The following C4orf46 variants were observed in gnomAD, a reference collection of about 807,000 sequenced individuals.
C4orf46 encodes renal cancer differentiation gene 1 protein.
C4orf46 carries 8 observed loss-of-function variants against 9.1 expected under a neutral mutation model. That is an observed-to-expected ratio of 0.88 (90% CI 0.52 to 1.59). C4orf46 has a LOEUF of 1.59. C4orf46 is among the 40% of genes most tolerant of loss of function. The pLI, the probability that C4orf46 is intolerant of heterozygous loss-of-function variation, is 0.00. For missense variants in C4orf46, 151 were observed against 139.1 expected, an observed-to-expected ratio of 1.09 and a Z score of -0.43; for synonymous variants, 51 against 58.8, an observed-to-expected ratio of 0.87 and a Z score of 0.61.
chr4:158,669,793 T>A (rs754698500), intron 1 of C4orf46, 25 bp from the exon 2 acceptor site: 9 of 1,562,788 alleles, frequency 5.8e-6, no homozygotes, highest in Middle Eastern at 1.7e-4. Context: ...TCAAACATAA[T>A]TTTATTTTTA....
At chr4:158,671,987 G>A, upstream of C4orf46, 1 of 574,020 alleles carries the variant, frequency 1.7e-6, no homozygotes, top group Non-Finnish European at 3.1e-6. Context: ...AATCATATGA[G>A]TCAATTCACC....
chr4:158,668,027 C>T lies in C4orf46; in HGVS notation c.*1586G>A, dbSNP rs1486056702. 1.3e-5 allele frequency: 2 copies of T among 152,164 alleles called. No individual in the cohort carries two copies. The highest frequency in any genetic ancestry group is 1.5e-5 in the Non-Finnish European group (1 of 68,034). 9.4% of individuals were successfully genotyped at this position (152,164 alleles called of 1,614,324 possible). ...ATCAAACAGGTAACAAAGCAAACTTCAAATGTATCTAACATTTGCAATTAC... is the reference window on the plus strand; with the variant it reads ...ATCAAACAGGTAACAAAGCAAACTTTAAATGTATCTAACATTTGCAATTAC... On this transcript the variant is annotated 3_prime_UTR_variant, in exon 2 of 2. Coordinates refer to ENST00000379205, the MANE Select transcript of C4orf46 (RefSeq NM_001008393.4).
chr4:158,670,874 T>G (rs998988223), intron 1 of C4orf46, among the ~76,000 whole-genome samples: 2 of 151,990 alleles, frequency 1.3e-5, no homozygotes, highest in African/African-American at 4.8e-5. Context: ...AACATAAAAC[T>G]CCCCTTCCCT....
upstream of C4orf46, chr4:158,671,928 G>C: frequency 1.3e-6 from 1 of 741,514 alleles, no homozygotes; most frequent in South Asian, 2.0e-5. Flanking sequence ...CAGTCTCCTC[G>C]TGGGTCTCAG....
In C4orf46 at chr4:158,669,348, G is replaced by A. The variant is rs746874815; in HGVS notation, c.*265C>T. On this transcript the variant is annotated 3_prime_UTR_variant, in exon 2 of 2. Coordinates refer to ENST00000379205, the MANE Select transcript of C4orf46 (RefSeq NM_001008393.4). ...CACTGTGGCTCTATTAATATTAACCGTCTATTGATGAAGTTAACTTTCATA... is the reference window on the plus strand; with the variant it reads ...CACTGTGGCTCTATTAATATTAACCATCTATTGATGAAGTTAACTTTCATA... 7.9e-5 allele frequency: 23 copies of A among 291,984 alleles called. No individual in the cohort carries two copies. Among genetic ancestry groups the A allele is most frequent in the Non-Finnish European group, 1.3e-4 (20 of 157,086 alleles). 18.1% of individuals were successfully genotyped at this position (291,984 alleles called of 1,614,324 possible). A position where few individuals can be genotyped will look rare whatever the true frequency, so the allele number is the denominator to read the frequency against.
Position 158,667,736 on chromosome 4 carries a change from A to G in C4orf46, c.*1877T>C, listed in dbSNP as rs1217167255. Reference sequence around the variant, plus strand: ...AAAAAAGAGTAAAAGATATGGCCTCAGAAATCACACACTGCATTTGCTCAA... The same window carrying G: ...AAAAAAGAGTAAAAGATATGGCCTCGGAAATCACACACTGCATTTGCTCAA... On this transcript the variant is annotated 3_prime_UTR_variant, in exon 2 of 2. Coordinates refer to ENST00000379205, the MANE Select transcript of C4orf46 (RefSeq NM_001008393.4). 39 of 151,950 alleles carry G rather than the reference A, an allele frequency of 2.6e-4. No individual in the cohort carries two copies. Among genetic ancestry groups the G allele is most frequent in the Admixed American group, 2.6e-3 (39 of 15,238 alleles). The allele number at this position is 151,950 out of a possible 1,614,324, so 9.4% of individuals were successfully genotyped here.
chr4:158,669,734 G>A lies in C4orf46; in HGVS notation c.221C>T (p.Thr74Ile), dbSNP rs1773467574. The change falls in exon 2 of 2, where the codon ACA (threonine) becomes ATA (isoleucine). Residue 74 changes from threonine to isoleucine, a missense_variant. Transcript: ENST00000379205. ...TTCCACTTGAGCTGATACTGCAGAT[G>A]TGGCTTCAAGAAGTTTGGTTAATGA... is the stretch of plus-strand genomic sequence containing the variant. ...AFSLTKLLEA[T>I]SAVSAQVEEL... 6.2e-7 allele frequency: 1 copy of A among 1,610,716 alleles called. No homozygotes were observed. Among genetic ancestry groups the A allele is most frequent in the Non-Finnish European group, 8.5e-7 (1 of 1,178,714 alleles).
intron 1 of C4orf46, 124 bp downstream of exon 1, chr4:158,671,492 G>T: frequency 9.9e-7 from 1 of 1,009,140 alleles, no homozygotes; most frequent in Non-Finnish European, 1.4e-6. Flanking sequence ...GCTCTGGGGC[G>T]CAGAAGGGCC....
chr4:158,671,753 G>C lies in C4orf46; in HGVS notation c.49C>G (p.Pro17Ala), dbSNP rs867000557. Residue 17 changes from proline (P) to alanine (A), a missense_variant, in exon 1 of 2, where the codon CCC (proline) becomes GCC (alanine). Coordinates refer to ENST00000379205, the MANE Select transcript of C4orf46 (RefSeq NM_001008393.4). ...GCGTCTGAAGAGGAGGGAGAAGAGG[G>C]AGGCGGCGGGGGCGGCGAAGAAACC... Reference protein sequence around the residue: ...LQVSSPPPPPPSSPSSSDASA... With the variant: ...LQVSSPPPPPASSPSSSDASA... 2 of 1,573,562 alleles carry C rather than the reference G, an allele frequency of 1.3e-6. No homozygotes were observed. Among genetic ancestry groups the C allele is most frequent in the Middle Eastern group, 3.6e-4 (2 of 5,598 alleles).
At chr4:158,671,131 G>C (rs558092899) in intron 1 of C4orf46, among the ~76,000 whole-genome samples, 36 of 152,342 alleles carry the variant, frequency 2.4e-4, no homozygotes, top group African/African-American at 8.2e-4. Context: ...TGGCCAACTA[G>C]AACAGCAGGC....
chr4:158,667,228 T>C lies in C4orf46; in HGVS notation c.*2385A>G, dbSNP rs866511124. 1.2e-4 allele frequency: 19 copies of C among 152,148 alleles called. 1 individual carries two copies. Among genetic ancestry groups the C allele is most frequent in the African/African-American group, 4.6e-4 (19 of 41,432 alleles). The allele number at this position is 152,148 out of a possible 1,614,324, so 9.4% of individuals were successfully genotyped here. ...ATACTTGGAGGAACAGCTATAAATA[T>C]GTAAAAATAATTAAAACAAGATTCC... On this transcript the variant is annotated 3_prime_UTR_variant, in exon 2 of 2. Transcript: ENST00000379205.
At chr4:158,671,964 T>A (rs1773573909), upstream of C4orf46, 1 of 587,348 alleles carries the variant, frequency 1.7e-6, no homozygotes. Flanking sequence ...ACGTTTCATT[T>A]TTCGGGACAG....
intron 1 of C4orf46, 63 bp from the exon 2 acceptor site, chr4:158,669,831 C>T: frequency 7.4e-7 from 1 of 1,359,828 alleles, no homozygotes; most frequent in Non-Finnish European, 1.0e-6. Flanking sequence ...TATAAGCAGG[C>T]TGAAAATAGC....
rs1773448121 is a variant in C4orf46, at chr4:158,668,966, A to C, written c.*647T>G. ...CTATCATCAAAGTCCAAATCTCTGTAAAAAAAGAATGTTTTTCTTCAAGTC... is the reference window on the plus strand; with the variant it reads ...CTATCATCAAAGTCCAAATCTCTGTCAAAAAAGAATGTTTTTCTTCAAGTC... On this transcript the variant is annotated 3_prime_UTR_variant, in exon 2 of 2. Transcript: ENST00000379205. 6.6e-6 allele frequency: 1 copy of C among 152,206 alleles called. No individual in the cohort carries two copies. The highest frequency in any genetic ancestry group is 6.5e-5 in the Admixed American group (1 of 15,288). The allele number at this position is 152,206 out of a possible 1,614,324, so 9.4% of individuals were successfully genotyped here. A position where few individuals can be genotyped will look rare whatever the true frequency, so the allele number is the denominator to read the frequency against.
Position 158,668,870 on chromosome 4 carries a change from C to G in C4orf46, c.*743G>C, listed in dbSNP as rs1032651412. 6.6e-6 allele frequency: 1 copy of G among 152,032 alleles called. No individual in the cohort carries two copies. Among genetic ancestry groups the G allele is most frequent in the African/African-American group, 2.4e-5 (1 of 41,404 alleles). 9.4% of individuals were successfully genotyped at this position (152,032 alleles called of 1,614,324 possible). A position where few individuals can be genotyped will look rare whatever the true frequency, so the allele number is the denominator to read the frequency against. ...TGCATTCTTTCTAAACAGTCTTTCC[C>G]TTTCTGAAGTAAAGTCTTTAAAAAA... is the stretch of plus-strand genomic sequence containing the variant. On this transcript the variant is annotated 3_prime_UTR_variant, in exon 2 of 2. Coordinates refer to ENST00000379205, the MANE Select transcript of C4orf46 (RefSeq NM_001008393.4).
rs1460244460 is a variant in C4orf46 at position 158,671,596 on chromosome 4, G to A, written c.186+20C>T. ...TCCCAGAGGCGCCGAGGGGGGACGC[G>A]GTCCCGACACCACACTCACGTCTCC... On this transcript the variant is annotated intron_variant, in intron 1 of 1. Transcript: ENST00000379205. 15 of 1,470,890 alleles carry A rather than the reference G, an allele frequency of 1.0e-5. No individual in the cohort carries two copies. Among genetic ancestry groups the A allele is most frequent in the Non-Finnish European group, 1.4e-5 (15 of 1,101,078 alleles). The allele number at this position is 1,470,890 out of a possible 1,614,324, so 91.1% of individuals were successfully genotyped here. A position where few individuals can be genotyped will look rare whatever the true frequency, so the allele number is the denominator to read the frequency against.
In C4orf46 at chr4:158,671,562, C is replaced by A. The variant is rs185447209; in HGVS notation, c.186+54G>T. On this transcript the variant is annotated intron_variant, in intron 1 of 1. Coordinates refer to ENST00000379205, the MANE Select transcript of C4orf46 (RefSeq NM_001008393.4). ...TCCCTAGCCTCGCGAGCCCCGCCGC[C>A]GCCGGTCTTCCCAGAGGCGCCGAGG... 3.6e-6 allele frequency: 5 copies of A among 1,404,456 alleles called. No homozygotes were observed. The African/African-American group carries it at 7.4e-5, about 21-fold the overall frequency. 87.0% of individuals were successfully genotyped at this position (1,404,456 alleles called of 1,614,324 possible). A position where few individuals can be genotyped will look rare whatever the true frequency, so the allele number is the denominator to read the frequency against.
rs1252018754 is a variant in C4orf46, at chr4:158,671,728, G to T, written c.74C>A (p.Ala25Asp). The change falls in exon 1 of 2, where the codon GCC (alanine) becomes GAC (aspartate). Residue 25 changes from alanine (A) to aspartate (D), a missense_variant. By Grantham distance (126) the Ala-to-Asp change is moderately radical. Transcript: ENST00000379205. ...PPPSSPSSSD[A>D]SAASSPGGPV... ...GCCGCCCGGGGAAGATGCTGCAGAGGCGTCTGAAGAGGAGGGAGAAGAGGG... is the reference window on the plus strand; with the variant it reads ...GCCGCCCGGGGAAGATGCTGCAGAGTCGTCTGAAGAGGAGGGAGAAGAGGG... The T allele has an allele frequency of 6.3e-7, 1 of 1,597,772 alleles. No homozygotes were observed. The highest frequency in any genetic ancestry group is 2.3e-5 in the East Asian group (1 of 44,116).
At position 158,669,596 on chromosome 4, in the gene C4orf46, C is replaced by G; in HGVS notation, c.*17G>C. ...ATGAATTATTGCAGTCATTATTAAA[C>G]AACGAAGTATGCCAAATCAGTCATC... is the stretch of plus-strand genomic sequence containing the variant. On this transcript the variant is annotated 3_prime_UTR_variant, in exon 2 of 2. Coordinates refer to ENST00000379205, the MANE Select transcript of C4orf46 (RefSeq NM_001008393.4). 6.2e-7 allele frequency: 1 copy of G among 1,610,852 alleles called. No individual in the cohort carries two copies. The highest frequency in any genetic ancestry group is 8.5e-7 in the Non-Finnish European group (1 of 1,178,840).
Sources: gnomAD v4.1 joint callset for allele counts (sites outside exome capture counted in the v4.1 genomes callset) on GRCh38, gnomAD v4.1.1 for gene constraint, MANE v1.5 for transcripts, NCBI Gene and HGNC (gene_info 2026-07-23, HGNC 2026-07-21) for gene names.